C11orf58: variants seen among roughly 807,000 people sequenced by gnomAD.
The protein encoded by C11orf58 is small acidic protein.
Under a neutral mutation model 22.7 loss-of-function variants are expected in C11orf58, and 5 were observed. The ratio of observed to expected loss-of-function variants is 0.22; its 90% CI spans 0.12 to 0.46. The LOEUF (loss-of-function observed/expected upper bound fraction) is 0.46, where lower values mean the gene tolerates loss of function less well. C11orf58 is among the 20% of genes least tolerant of loss of function. C11orf58 has a pLI of 0.99. For missense variants in C11orf58, 151 were observed against 223.3 expected (o/e 0.68, Z 2.06); for synonymous variants, 71 against 70.7 (o/e 1.00, Z -0.02).
In C11orf58 at chr11:16,758,302, A is replaced by T. The variant is rs939533346; in HGVS notation, c.*3198A>T. ...GTTATTTCTGGAGAAAGATCACCAA[A>T]TGTATAAATCCGTATTAGTAAAAAT... On this transcript the variant is annotated 3_prime_UTR_variant, in exon 5 of 5. Coordinates refer to ENST00000228136, the MANE Select transcript of C11orf58 (RefSeq NM_014267.6). Among the ~76,000 whole-genome samples the T allele has an allele frequency of 6.6e-6, 1 of 152,148 alleles. No homozygotes were observed. The highest frequency in any genetic ancestry group is 1.5e-5 in the Non-Finnish European group (1 of 68,040).
intron 2 of C11orf58, among the ~76,000 whole-genome samples, chr11:16,746,160 G>C (rs1848485885): frequency 6.6e-6 from 1 of 152,210 alleles, no homozygotes; most frequent in African/African-American, 2.4e-5. Context: ...AAATAGAATT[G>C]ATCTGAATCT....
Position 16,744,689 on chromosome 11 carries a change from G to A in C11orf58, c.147+5G>A. On this transcript the variant is annotated splice_donor_5th_base_variant and intron_variant, in intron 2 of 4. Coordinates refer to ENST00000228136, the MANE Select transcript of C11orf58 (RefSeq NM_014267.6). Reference sequence around the variant, plus strand: ...AGACTTATGGGTGCAGGAAAGGTAAGCATCAGATGGTGTGCATTTTTACCT... The same window carrying A: ...AGACTTATGGGTGCAGGAAAGGTAAACATCAGATGGTGTGCATTTTTACCT... 1 of 1,611,168 alleles carries A rather than the reference G, an allele frequency of 6.2e-7. No individual in the cohort carries two copies. The highest frequency in any genetic ancestry group is 8.5e-7 in the Non-Finnish European group (1 of 1,178,448).
chr11:16,748,290 A>G (rs1848503581), intron 3 of C11orf58, 133 bp downstream of exon 3: 2 of 726,228 alleles, frequency 2.8e-6, no homozygotes, highest in Admixed American at 2.5e-5. Context: ...AGCTGGGTGC[A>G]GTGGCTTAAT....
rs144583086 is a variant in C11orf58, at chr11:16,739,321, A to G, written c.63+480A>G. 5.6e-5 allele frequency: 10 copies of G among 178,456 alleles called. No individual in the cohort carries two copies. The East Asian group carries it at 1.3e-3, about 24-fold the overall frequency. The allele number at this position is 178,456 out of a possible 1,614,324, so 11.1% of individuals were successfully genotyped here. A position where few individuals can be genotyped will look rare whatever the true frequency, so the allele number is the denominator to read the frequency against. On this transcript the variant is annotated intron_variant, in intron 1 of 4. Transcript: ENST00000228136. ...GAGAGTTAACTTTAGCTGCACTAGT[A>G]AGGGTAAACCGAGAACAGTATTGAG... is the stretch of plus-strand genomic sequence containing the variant.
chr11:16,740,182 T>C (rs1480174370), intron 1 of C11orf58, among the ~76,000 whole-genome samples: 2 of 152,220 alleles, frequency 1.3e-5, no homozygotes, highest in African/African-American at 4.8e-5. Flanking sequence ...GTTACATTGT[T>C]TTCCTCCTGA....
intron 1 of C11orf58, among the ~76,000 whole-genome samples, chr11:16,740,439 C>T (rs1848437465): frequency 6.6e-6 from 1 of 152,068 alleles, no homozygotes; most frequent in Non-Finnish European, 1.5e-5. Context: ...GTCTCTGTCG[C>T]CCAGGCTGGA....
chr11:16,739,249 G>A (rs10766342), intron 1 of C11orf58, among the ~76,000 whole-genome samples: 33,699 of 152,002 alleles, frequency 0.22, 4,030 homozygotes, highest in Admixed American at 0.33. Flanking sequence ...GTTCGTGCAC[G>A]TTTGTACAGA....
intron 1 of C11orf58, among the ~76,000 whole-genome samples, chr11:16,742,679 TA>T (rs1278728591): frequency 6.6e-6 from 1 of 152,184 alleles, no homozygotes; most frequent in Non-Finnish European, 1.5e-5. Context: ...GTGGTTTTTT[TA>T]AATATTCTTT....
intron 2 of C11orf58, chr11:16,747,575 T>C (rs957023845): frequency 2.6e-5 from 4 of 152,280 alleles, no homozygotes; most frequent in Non-Finnish European, 4.4e-5. Context: ...TAGTTTATTG[T>C]CAAATAGTAA....
intron 4 of C11orf58, chr11:16,754,142 G>A (rs1848555403): frequency 7.5e-6 from 3 of 397,570 alleles, no homozygotes; most frequent in Non-Finnish European, 1.3e-5. Context: ...ATGAATTTAT[G>A]TGTGACTACT....
chr11:16,752,679 T>A (rs1848542682), intron 3 of C11orf58, 106 bp from the exon 4 acceptor site: 1 of 622,450 alleles, frequency 1.6e-6, no homozygotes, highest in Admixed American at 3.5e-5. Context: ...GTAAAATTAG[T>A]CACAATTAGA....
chr11:16,752,690 T>C, intron 3 of C11orf58, 95 bp from the exon 4 acceptor site: 1 of 722,854 alleles, frequency 1.4e-6, no homozygotes, highest in Non-Finnish European at 2.1e-6. Context: ...CACAATTAGA[T>C]AAATCAGCCC....
In C11orf58 at chr11:16,738,705, T is replaced by G; in HGVS notation, c.-74T>G. The G allele has an allele frequency of 2.6e-6, 4 of 1,528,174 alleles. No individual in the cohort carries two copies. The highest frequency in any genetic ancestry group is 3.6e-6 in the Non-Finnish European group (4 of 1,103,584). The allele number at this position is 1,528,174 out of a possible 1,614,324, so 94.7% of individuals were successfully genotyped here. On this transcript the variant is annotated 5_prime_UTR_variant, in exon 1 of 5. Coordinates refer to ENST00000228136, the MANE Select transcript of C11orf58 (RefSeq NM_014267.6). ...TGGCGCTGCTTGGGCCCTTGGCGGA[T>G]TGTAAGCTGCTGGTTTTGCGGCTGG...
intron 4 of C11orf58, among the ~76,000 whole-genome samples, chr11:16,753,488 G>C (rs1564885183): frequency 6.6e-6 from 1 of 151,816 alleles, no homozygotes; most frequent in Non-Finnish European, 1.5e-5. Flanking sequence ...TCAGCCTCCC[G>C]AGTAGCTGGG....
intron 3 of C11orf58, chr11:16,750,715 T>G (rs1189488741): frequency 1.3e-5 from 2 of 154,222 alleles, no homozygotes; most frequent in African/African-American, 4.8e-5. Context: ...TGAGGATATA[T>G]TATGTGCACT....
chr11:16,754,881 A>C lies in C11orf58; in HGVS notation c.329A>C (p.His110Pro), dbSNP rs1196121850. 6.2e-7 allele frequency: 1 copy of C among 1,614,008 alleles called. No individual in the cohort carries two copies. The highest frequency in any genetic ancestry group is 8.5e-7 in the Non-Finnish European group (1 of 1,179,968). ...TGATTGATGTTTTAGGTAGAAGACC[A>C]TGATGGAGAAGGTGATGTGGCTGGA... ...CGLGFSEVED[H>P]DGEGDVAGDD... The change falls in exon 5 of 5, where the codon CAT becomes CCT. Residue 110 changes from histidine (H) to proline (P), a missense_variant. Transcript: ENST00000228136.
chr11:16,744,809 C>A, intron 2 of C11orf58, 125 bp downstream of exon 2: 1 of 877,476 alleles, frequency 1.1e-6, no homozygotes, highest in Non-Finnish European at 1.7e-6. Flanking sequence ...TTTCTTTTGG[C>A]TTTGGGAAAT....
rs1246772872 is a variant in C11orf58, at chr11:16,755,791, T to TTCTA, written c.*690_*691insATCT. The TTCTA allele has an allele frequency of 2.6e-5, 4 of 152,652 alleles. No individual in the cohort carries two copies. The highest frequency in any genetic ancestry group is 9.6e-5 in the African/African-American group (4 of 41,456). The allele number at this position is 152,652 out of a possible 1,614,324, so 9.5% of individuals were successfully genotyped here. A position where few individuals can be genotyped will look rare whatever the true frequency, so the allele number is the denominator to read the frequency against. On this transcript the variant is annotated 3_prime_UTR_variant, in exon 5 of 5. Coordinates refer to ENST00000228136, the MANE Select transcript of C11orf58 (RefSeq NM_014267.6). ...CAGAAGAAATTCTCTGATCATTTAG[T>TTCTA]TCTGTCTATTTAGAAATATGTAAAA...
chr11:16,756,602 T>C lies in C11orf58; in HGVS notation c.*1498T>C, dbSNP rs115487608. Among the ~76,000 whole-genome samples the C allele has an allele frequency of 8.3e-3, 1,254 of 151,670 alleles. 12 individuals carry two copies. The highest frequency in any genetic ancestry group is 0.029 in the African/African-American group (1,182 of 41,400). On this transcript the variant is annotated 3_prime_UTR_variant, in exon 5 of 5. Transcript: ENST00000228136. ...TTGGAATTTTTAAAAATTATTCTTA[T>C]GTCACTTTGAAATGTAGAACGTGTT...
Sources: gnomAD v4.1 joint callset for allele counts (sites outside exome capture counted in the v4.1 genomes callset) on GRCh38, gnomAD v4.1.1 for gene constraint, MANE v1.5 for transcripts, NCBI Gene and HGNC (gene_info 2026-07-23, HGNC 2026-07-21) for gene names.